KDM5D: variants seen among roughly 807,000 people sequenced by gnomAD.
KDM5D encodes the protein lysine-specific demethylase 5D.
KDM5D carries 25 observed loss-of-function variants against 31.9 expected under a neutral mutation model. That is an observed-to-expected ratio of 0.78 (90% CI 0.57 to 1.09). The LOEUF is 1.09. KDM5D is among the 50% of genes least tolerant of loss of function. The pLI is 0.00. For missense variants in KDM5D, 366 were observed against 341.6 expected (o/e 1.07, Z -0.56); for synonymous variants, 146 against 122.3 (o/e 1.19, Z -1.28).
chrY:19,709,560 C>A lies in KDM5D; in HGVS notation c.2833G>T (p.Ala945Ser). Residue 945 changes from alanine (A) to serine (S), a missense_variant, in exon 20 of 27, where the codon GCC (alanine) becomes TCC (serine). Ala to Ser is a moderately conservative substitution (Grantham distance 99). Coordinates refer to ENST00000317961, the MANE Select transcript of KDM5D (RefSeq NM_004653.5). ...ACAGAAGGGCTGGAGGCTATCTTGG[C>A]ACCCATAACCAAAAGCCCCTGCATG... The part of the protein sequence containing the change: ...VIMQGLLVMG[A>S]KIASSPSVDK... 1 of 398,757 alleles carries A rather than the reference C, an allele frequency of 2.5e-6. No individual in the cohort carries two copies. The highest frequency in any genetic ancestry group is 3.0e-5 in the South Asian group (1 of 33,694).
At chrY:19,710,188 G>T in intron 19 of KDM5D, 188 bp downstream of exon 19, 1 of 371,244 alleles carries the variant, frequency 2.7e-6, no homozygotes, top group Non-Finnish European at 3.7e-6. Flanking sequence ...CAGTCTGGAA[G>T]GATATTTCCT....
intron 11 of KDM5D, among the ~76,000 whole-genome samples, chrY:19,727,628 G>A (rs2045443569): frequency 3.0e-5 from 1 of 33,244 alleles, no homozygotes. Context: ...TGGAGCGGGG[G>A]TTGTAAAATG....
intron 13 of KDM5D, among the ~76,000 whole-genome samples, chrY:19,718,459 T>C (rs2045364696): frequency 4.0e-4 from 14 of 34,704 alleles, no homozygotes. Context: ...TCACATATTG[T>C]ATGATTCCAT....
intron 5 of KDM5D, 72 bp downstream of exon 5, chrY:19,741,246 G>T: frequency 2.9e-5 from 8 of 274,716 alleles, no homozygotes; most frequent in Non-Finnish European, 4.5e-5. Context: ...CAAGAGAAAA[G>T]TCCAATCCAA....
rs1569369743 is a variant in KDM5D at position 19,744,491 on chromosome Y, G to A, written c.44C>T (p.Pro15Leu). Residue 15 changes from proline to leucine, a missense_variant, in exon 2 of 27, where the codon CCG becomes CTG. By Grantham distance (98) the Pro-to-Leu change is moderately conservative (BLOSUM62 -3). Coordinates refer to ENST00000317961, the MANE Select transcript of KDM5D (RefSeq NM_004653.5). ...CDEFLPPPECPVFEPSWAEFQ... is the reference protein window; with the variant it reads ...CDEFLPPPECLVFEPSWAEFQ... ...TTCAGCCCAGCTAGGCTCAAAAACC[G>A]GGCACTCCGGTGGCGGCAGGAACTC... 1 of 396,278 alleles carries A rather than the reference G, an allele frequency of 2.5e-6. No individual in the cohort carries two copies. The highest frequency in any genetic ancestry group is 6.2e-5 in the African/African-American group (1 of 16,150).
At chrY:19,744,643 A>G in intron 1 of KDM5D, 28 bp downstream of exon 1, 2 of 182,651 alleles carry the variant, frequency 1.1e-5, no homozygotes, top group Non-Finnish European at 9.4e-6. Flanking sequence ...GAGAATTTCA[A>G]GGTTACTTTA....
chrY:19,741,781 A>G lies in KDM5D; in HGVS notation c.305T>C (p.Ile102Thr), dbSNP rs1569368909. Residue 102 changes from isoleucine (I) to threonine (T), a missense_variant, in exon 4 of 27, where the codon ATT (isoleucine) becomes ACT (threonine). By Grantham distance (89) the Ile-to-Thr change is moderately conservative. Coordinates refer to ENST00000317961, the MANE Select transcript of KDM5D (RefSeq NM_004653.5). ...FWEIQGSSLKIPNVERKILDL... is the reference protein window; with the variant it reads ...FWEIQGSSLKTPNVERKILDL... ...CAAGATCTTCCGCTCCACATTGGGAATCTTTAAAGAGGAGCCTTGAATTTC... is the reference window on the plus strand; with the variant it reads ...CAAGATCTTCCGCTCCACATTGGGAGTCTTTAAAGAGGAGCCTTGAATTTC... The G allele has an allele frequency of 2.6e-6, 1 of 387,877 alleles. No individual in the cohort carries two copies. The highest frequency in any genetic ancestry group is 3.7e-6 in the Non-Finnish European group (1 of 273,718).
chrY:19,735,791 T>C, intron 6 of KDM5D, 41 bp from the exon 7 acceptor site: 2 of 291,860 alleles, frequency 6.9e-6, no homozygotes, highest in Non-Finnish European at 1.1e-5. Context: ...TAGCTTTACT[T>C]ATGCAGGTAT....
At chrY:19,724,331 T>C in intron 11 of KDM5D, among the ~76,000 whole-genome samples, 1 of 33,185 alleles carries the variant, frequency 3.0e-5, no homozygotes, top group South Asian at 6.6e-4. Flanking sequence ...AAAACTACAC[T>C]TGTACCCCTG....
chrY:19,708,304 G>T lies in KDM5D; in HGVS notation c.3201C>A (p.Ser1067=). 1 of 396,690 alleles carries T rather than the reference G, an allele frequency of 2.5e-6. No homozygotes were observed. The highest frequency in any genetic ancestry group is 3.0e-5 in the South Asian group (1 of 33,358). The part of the protein sequence containing the change: ...QLELQVLTAH[S]WREKASKTFL... Reference sequence around the variant, plus strand: ...AGGTCTTGGAGGCCTTCTCTCTCCAGGAATGTGCTGTCAATACCTGCAGCT... The same window carrying T: ...AGGTCTTGGAGGCCTTCTCTCTCCATGAATGTGCTGTCAATACCTGCAGCT... Residue 1067 remains serine, a synonymous_variant, in exon 22 of 27, where the codon TCC becomes TCA. Transcript: ENST00000317961.
intron 5 of KDM5D, among the ~76,000 whole-genome samples, chrY:19,740,949 C>A (rs2045545517): frequency 6.0e-5 from 2 of 33,134 alleles, no homozygotes; most frequent in East Asian, 1.6e-3. Context: ...CCACTGCACT[C>A]CAGCCTGGGC....
Position 19,741,796 on chromosome Y carries a change from C to T in KDM5D, c.290G>A (p.Gly97Asp). The change falls in exon 4 of 27, where the codon GGC becomes GAC. Residue 97 changes from glycine (G) to aspartate (D), a missense_variant. Physicochemically the swap from Gly to Asp is moderately conservative, Grantham distance 94 (BLOSUM62 -1). Transcript: ENST00000317961. ...DQIAKFWEIQ[G>D]SSLKIPNVER... ...CACATTGGGAATCTTTAAAGAGGAG[C>T]CTTGAATTTCCCAGAATTTTGCAAT... 1 of 387,016 alleles carries T rather than the reference C, an allele frequency of 2.6e-6. No individual in the cohort carries two copies. Among genetic ancestry groups the T allele is most frequent in the Non-Finnish European group, 3.7e-6 (1 of 273,313 alleles).
At position 19,741,445 on chromosome Y, in the gene KDM5D, C is replaced by T. The variant is rs769631336; in HGVS notation, c.395G>A (p.Arg132His). The part of the protein sequence containing the change: ...EGGYEAICKD[R>H]RWARVAQRLH... ...ACGCTGGGCAACTCGAGCCCACCGACGATCCTTGCAGATGGCTTCATAGCC... is the reference window on the plus strand; with the variant it reads ...ACGCTGGGCAACTCGAGCCCACCGATGATCCTTGCAGATGGCTTCATAGCC... Residue 132 changes from arginine (R) to histidine (H), a missense_variant, in exon 5 of 27, where the codon CGT becomes CAT. Coordinates refer to ENST00000317961, the MANE Select transcript of KDM5D (RefSeq NM_004653.5). 3 of 396,457 alleles carry T rather than the reference C, an allele frequency of 7.6e-6. No homozygotes were observed. Among genetic ancestry groups the T allele is most frequent in the Non-Finnish European group, 1.1e-5 (3 of 281,740 alleles).
At chrY:19,729,249 A>C in intron 11 of KDM5D, among the ~76,000 whole-genome samples, 1 of 33,425 alleles carries the variant, frequency 3.0e-5, no homozygotes, top group Non-Finnish European at 7.4e-5. Flanking sequence ...AAATAAAATA[A>C]AATAGTATTA....
intron 18 of KDM5D, among the ~76,000 whole-genome samples, chrY:19,714,187 G>A (rs2045318141): frequency 3.0e-5 from 1 of 32,957 alleles, no homozygotes; most frequent in African/African-American, 1.2e-4. Flanking sequence ...AGGATCAGGA[G>A]AAATAACTAA....
At chrY:19,719,301 A>T in intron 13 of KDM5D, among the ~76,000 whole-genome samples, 2 of 34,104 alleles carry the variant, frequency 5.9e-5, no homozygotes, top group Admixed American at 2.6e-4. Context: ...CAACACACAA[A>T]GGACTAATGG....
intron 18 of KDM5D, among the ~76,000 whole-genome samples, chrY:19,712,370 G>A (rs770503443): frequency 3.0e-5 from 1 of 33,415 alleles, no homozygotes; most frequent in Admixed American, 2.7e-4. Context: ...TGCTGACATC[G>A]TAGCAGTTGT....
Position 19,741,774 on chromosome Y carries a change from A to G in KDM5D, c.312T>C (p.Asn104=). 1 of 389,358 alleles carries G rather than the reference A, an allele frequency of 2.6e-6. No individual in the cohort carries two copies. Reference sequence around the variant, plus strand: ...AGAGGTCCAAGATCTTCCGCTCCACATTGGGAATCTTTAAAGAGGAGCCTT... The same window carrying G: ...AGAGGTCCAAGATCTTCCGCTCCACGTTGGGAATCTTTAAAGAGGAGCCTT... ...EIQGSSLKIP[N]VERKILDLYS... The change falls in exon 4 of 27, where the codon AAT becomes AAC. Residue 104 remains asparagine, a synonymous_variant. Transcript: ENST00000317961.
chrY:19,712,169 CTTTA>C (rs2045302503), intron 18 of KDM5D, among the ~76,000 whole-genome samples: 1 of 33,442 alleles, frequency 3.0e-5, no homozygotes, highest in African/African-American at 1.2e-4. Context: ...ACTAACACAG[CTTTA>C]TTTTTTTTAA....
Sources: allele counts gnomAD v4.1 joint callset (sites outside exome capture counted in the v4.1 genomes callset), GRCh38; gene constraint gnomAD v4.1.1; transcripts MANE v1.5; gene names NCBI Gene and HGNC (gene_info 2026-07-23, HGNC 2026-07-21).